Variants in MUSK observed in about 807,000 individuals in gnomAD.
The protein encoded by MUSK is muscle associated receptor tyrosine kinase.
In MUSK, 55 loss-of-function variants were observed where a neutral mutation model predicts 88.7. That is an observed-to-expected ratio of 0.62 (90% CI 0.50 to 0.78). The LOEUF is 0.78. Among genes scored for constraint, MUSK ranks in the 30% least tolerant of loss-of-function variants. The pLI, the probability that MUSK is intolerant of heterozygous loss-of-function variation, is 0.00. For synonymous variants in MUSK, 387 were observed against 391.9 expected (o/e 0.99, Z 0.15); for missense variants, 1,015 against 1,074.3 (o/e 0.94, Z 0.77).
intron 1 of MUSK, among the ~76,000 whole-genome samples, chr9:110,671,027 A>G (rs2075950474): frequency 6.6e-6 from 1 of 152,140 alleles, no homozygotes; most frequent in African/African-American, 2.4e-5. Flanking sequence ...GCTGCAGTGC[A>G]GTGGTGTGAT....
chr9:110,689,923 A>AAATATAATATATAAATATATATTTC (rs1305222188), intron 3 of MUSK, among the ~76,000 whole-genome samples: 2 of 96,932 alleles, frequency 2.1e-5, no homozygotes, highest in Non-Finnish European at 3.5e-5. Context: ...ATACATATTT[A>AAATATAATATATAAATATATATTTC]AATATAATAT....
rs1587867708 is a variant in MUSK, at chr9:110,668,920, A to G, written c.16A>G (p.Asn6Asp). The change falls in exon 1 of 15, where the codon AAC becomes GAC. Residue 6 changes from asparagine to aspartate, a missense_variant. Transcript: ENST00000374448. MRELV[N>D]IPLVHILTLV... ...TGGATTAATCATGAGAGAGCTCGTC[A>G]ACATTCCACTGGTACATATTCTTAC... The G allele has an allele frequency of 1.2e-6, 2 of 1,613,778 alleles. No homozygotes were observed. The highest frequency in any genetic ancestry group is 1.7e-6 in the Non-Finnish European group (2 of 1,179,690).
Position 110,767,681 on chromosome 9 carries a change from G to A in MUSK, c.921-139G>A, listed in dbSNP as rs1329361273. ...CTGGAAATGAAGACAATATTCAAAT[G>A]GAGCGTGTCAACCAATTTACTAGTA... On this transcript the variant is annotated intron_variant, in intron 8 of 14. Coordinates refer to ENST00000374448, the MANE Select transcript of MUSK (RefSeq NM_005592.4). 13 of 866,600 alleles carry A rather than the reference G, an allele frequency of 1.5e-5. 1 individual carries two copies. Among genetic ancestry groups the A allele is most frequent in the Non-Finnish European group, 2.1e-5 (11 of 534,588 alleles). 53.7% of individuals were successfully genotyped at this position (866,600 alleles called of 1,614,324 possible). A position where few individuals can be genotyped will look rare whatever the true frequency, so the allele number is the denominator to read the frequency against.
rs571172642 is a variant in MUSK at position 110,683,263 on chromosome 9, A to C, written c.206+463A>C. Among the ~76,000 whole-genome samples, 8 of 152,236 alleles carry C rather than the reference A, an allele frequency of 5.3e-5. No homozygotes were observed. The East Asian group carries it at 1.4e-3, about 26-fold the overall frequency. ...TTTCTGTGCCTGGCTAATTTCATTT[A>C]ACATAATGATCTCCAGTTCCATCCA... On this transcript the variant is annotated intron_variant, in intron 2 of 14. Transcript: ENST00000374448.
intron 1 of MUSK, among the ~76,000 whole-genome samples, chr9:110,669,307 TG>T (rs1416752661): frequency 2.0e-5 from 3 of 152,180 alleles, no homozygotes; most frequent in Non-Finnish European, 4.4e-5. Context: ...AATTTCAGGG[TG>T]GTCTAAGTGG....
intron 5 of MUSK, among the ~76,000 whole-genome samples, chr9:110,706,416 C>T (rs911593036): frequency 6.6e-6 from 1 of 152,010 alleles, no homozygotes; most frequent in Non-Finnish European, 1.5e-5. Context: ...TTTTAAGAGA[C>T]AATTTTGTCT....
chr9:110,770,365 AATATG>A (rs1052931420), intron 9 of MUSK, among the ~76,000 whole-genome samples: 18 of 146,512 alleles, frequency 1.2e-4, no homozygotes, highest in South Asian at 2.1e-4. Context: ...AATAATACTT[AATATG>A]ATATAACTAA....
chr9:110,786,692 T>A (rs2077872608), intron 13 of MUSK, among the ~76,000 whole-genome samples: 1 of 151,996 alleles, frequency 6.6e-6, no homozygotes, highest in African/African-American at 2.4e-5. Context: ...AAGGCAAAAA[T>A]TTATAAAAAA....
At chr9:110,703,570 C>T (rs74855541) in intron 5 of MUSK, among the ~76,000 whole-genome samples, 7 of 151,580 alleles carry the variant, frequency 4.6e-5, no homozygotes, top group South Asian at 4.2e-4. Context: ...GGAAGACAGG[C>T]GGTTTTGATA....
chr9:110,802,407 C>T lies in MUSK; in HGVS notation c.*1419C>T, dbSNP rs142917937. Reference sequence around the variant, plus strand: ...GAGAAAATAACAGTCTACTCTATACCAGCTTATCTTAATTCAGACTAATTG... The same window carrying T: ...GAGAAAATAACAGTCTACTCTATACTAGCTTATCTTAATTCAGACTAATTG... On this transcript the variant is annotated 3_prime_UTR_variant, in exon 15 of 15. Coordinates refer to ENST00000374448, the MANE Select transcript of MUSK (RefSeq NM_005592.4). 6.6e-6 allele frequency among the ~76,000 whole-genome samples: 1 copy of T among 152,180 alleles called. No homozygotes were observed. The highest frequency in any genetic ancestry group is 1.5e-5 in the Non-Finnish European group (1 of 68,000).
chr9:110,706,805 AC>A (rs1288637862), intron 5 of MUSK, among the ~76,000 whole-genome samples: 2 of 152,084 alleles, frequency 1.3e-5, no homozygotes, highest in Non-Finnish European at 2.9e-5. Context: ...GGAGTTAGAG[AC>A]CAGCCTGGGC....
intron 9 of MUSK, among the ~76,000 whole-genome samples, chr9:110,773,250 C>G (rs2077609110): frequency 6.6e-6 from 1 of 151,904 alleles, no homozygotes; most frequent in Admixed American, 6.6e-5. Context: ...TAAGGAAGAC[C>G]AGAAATAACA....
chr9:110,715,947 A>G lies in MUSK; in HGVS notation c.629-18304A>G, dbSNP rs117943617. On this transcript the variant is annotated intron_variant, in intron 5 of 14. Transcript: ENST00000374448. The stretch of plus-strand genomic sequence containing the variant: ...GAGAACACATGGACACATGGGGGGA[A>G]CAATACACACTGGGGCCTGTTGGAG... Among the ~76,000 whole-genome samples the G allele has an allele frequency of 0.01, 1,506 of 149,430 alleles. 90 individuals are homozygous for G. The East Asian group carries it at 0.15, about 15-fold the overall frequency.
intron 5 of MUSK, among the ~76,000 whole-genome samples, chr9:110,717,876 T>C (rs1490272452): frequency 6.6e-6 from 1 of 152,150 alleles, no homozygotes; most frequent in Non-Finnish European, 1.5e-5. Flanking sequence ...ACTTTTACCA[T>C]AATTTGTCAT....
At chr9:110,776,800 A>T (rs760919654) in intron 11 of MUSK, 145 bp downstream of exon 11, 44 of 673,860 alleles carry the variant, frequency 6.5e-5, no homozygotes, top group Non-Finnish European at 1.0e-4. Flanking sequence ...CCAGGGTATA[A>T]CATGAGGGAA....
intron 5 of MUSK, among the ~76,000 whole-genome samples, chr9:110,702,661 C>T (rs537060318): frequency 6.6e-6 from 1 of 152,164 alleles, no homozygotes; most frequent in South Asian, 2.1e-4. Flanking sequence ...GTAATCCCAG[C>T]ACATTGGGAG....
At chr9:110,733,387 A>G (rs1179972230) in intron 5 of MUSK, among the ~76,000 whole-genome samples, 2 of 152,076 alleles carry the variant, frequency 1.3e-5, no homozygotes, top group Non-Finnish European at 2.9e-5. Context: ...TTCCAAGTTT[A>G]ATGATTCTGT....
intron 5 of MUSK, among the ~76,000 whole-genome samples, chr9:110,701,221 C>T (rs931583407): frequency 2.6e-5 from 4 of 152,052 alleles, no homozygotes; most frequent in African/African-American, 4.8e-5. Flanking sequence ...AGAGCAGGAC[C>T]GTGAATATGG....
In MUSK at chr9:110,785,544, C is replaced by A; in HGVS notation, c.1604C>A (p.Thr535Asn). ...KNKKRESAAV[T>N]LTTLPSELLL... ...GCCTGCAGAGAATCAGCAGCAGTAACCCTCACCACACTGCCTTCTGAGCTC... is the reference window on the plus strand; with the variant it reads ...GCCTGCAGAGAATCAGCAGCAGTAAACCTCACCACACTGCCTTCTGAGCTC... Residue 535 changes from threonine (T) to asparagine (N), a missense_variant, in exon 13 of 15, where the codon ACC (threonine) becomes AAC (asparagine). Thr to Asn is a moderately conservative substitution (Grantham distance 65). Transcript: ENST00000374448. 6.2e-7 allele frequency: 1 copy of A among 1,610,306 alleles called. No homozygotes were observed. Among genetic ancestry groups the A allele is most frequent in the Admixed American group, 1.7e-5 (1 of 59,788 alleles).
Sources: gnomAD v4.1 joint callset for allele counts (sites outside exome capture counted in the v4.1 genomes callset) on GRCh38, gnomAD v4.1.1 for gene constraint, MANE v1.5 for transcripts, NCBI Gene and HGNC (gene_info 2026-07-23, HGNC 2026-07-21) for gene names.